The following SLC26A7 variants were observed in gnomAD, a reference collection of about 807,000 sequenced individuals.
The protein encoded by SLC26A7 is solute carrier family 26 member 7.
SLC26A7 carries 59 observed loss-of-function variants against 82.5 expected under a neutral mutation model. The ratio of observed to expected loss-of-function variants is 0.72; its 90% CI spans 0.58 to 0.89. SLC26A7 has a LOEUF of 0.89. Ranked by LOEUF, SLC26A7 falls within the 40% of genes least tolerant of loss-of-function variation. The pLI, the probability that SLC26A7 is intolerant of heterozygous loss-of-function variation, is 0.00. For synonymous variants in SLC26A7, 271 were observed against 274.3 expected (o/e 0.99, Z 0.12); for missense variants, 820 against 793.0 (o/e 1.03, Z -0.41).
At position 91,362,284 on chromosome 8, in the gene SLC26A7, A is replaced by G. The variant is rs574111437; in HGVS notation, c.1315-69A>G. 3.5e-5 allele frequency: 39 copies of G among 1,109,010 alleles called. 1 individual carries two copies. In the East Asian group the frequency reaches 8.9e-4, roughly 25 times the overall value. The allele number at this position is 1,109,010 out of a possible 1,614,324, so 68.7% of individuals were successfully genotyped here. ...GAGTGTTAAGAATATGATTGTGAGG[A>G]ACTTAGCAATAATGAGAAGAAGTGA... On this transcript the variant is annotated intron_variant, in intron 11 of 18. Transcript: ENST00000276609.
At chr8:91,326,672 T>C (rs1055008626) in intron 5 of SLC26A7, among the ~76,000 whole-genome samples, 1 of 152,206 alleles carries the variant, frequency 6.6e-6, no homozygotes, top group Non-Finnish European at 1.5e-5. Context: ...GTCTCAGAAG[T>C]GAGCAGCATT....
At chr8:91,209,737 A>G (rs533614316) in intron 1 of SLC26A7, among the ~76,000 whole-genome samples, 1 of 152,288 alleles carries the variant, frequency 6.6e-6, no homozygotes, top group Admixed American at 6.5e-5. Flanking sequence ...AATTAGTAGA[A>G]TTTTTAATAG....
rs554999331 is a variant in SLC26A7, at chr8:91,350,850, T to C, written c.1141-960T>C. Among the ~76,000 whole-genome samples the C allele has an allele frequency of 3.3e-5, 5 of 152,282 alleles. No individual in the cohort carries two copies. The East Asian group carries it at 9.6e-4, about 29-fold the overall frequency. On this transcript the variant is annotated intron_variant, in intron 9 of 18. Transcript: ENST00000276609. ...CCAGTCCTGAGTCATAAGGTAAGTGTATGTGTAACTTTATAAGACACTGCC... is the reference window on the plus strand; with the variant it reads ...CCAGTCCTGAGTCATAAGGTAAGTGCATGTGTAACTTTATAAGACACTGCC...
intron 16 of SLC26A7, among the ~76,000 whole-genome samples, 156 bp from the exon 17 acceptor site, chr8:91,393,641 C>T (rs1027941040): frequency 6.6e-6 from 1 of 152,102 alleles, no homozygotes; most frequent in Admixed American, 6.5e-5. Context: ...AGACGCTTGC[C>T]AGATTATGCC....
At chr8:91,324,785 G>T (rs562407800) in intron 5 of SLC26A7, among the ~76,000 whole-genome samples, 1 of 152,146 alleles carries the variant, frequency 6.6e-6, no homozygotes, top group East Asian at 1.9e-4. Flanking sequence ...AAGTGACAGG[G>T]GTGGGTCTGC....
intron 4 of SLC26A7, among the ~76,000 whole-genome samples, chr8:91,312,509 T>A (rs2130800611): frequency 6.6e-6 from 1 of 152,298 alleles, no homozygotes; most frequent in South Asian, 2.1e-4. Flanking sequence ...CTATTTTTAA[T>A]ATTTTGAGGA....
At chr8:91,368,975 C>A (rs1476833851) in intron 14 of SLC26A7, among the ~76,000 whole-genome samples, 1 of 152,156 alleles carries the variant, frequency 6.6e-6, no homozygotes. Context: ...GAAGAGAAAA[C>A]ACGGGCTCTC....
At chr8:91,230,013 A>G (rs188671447) in intron 2 of SLC26A7, among the ~76,000 whole-genome samples, 1 of 152,060 alleles carries the variant, frequency 6.6e-6, no homozygotes, top group East Asian at 1.9e-4. Flanking sequence ...TCCACCATAG[A>G]TTTTTGCCTG....
chr8:91,347,817 G>C (rs1278399049), intron 9 of SLC26A7, among the ~76,000 whole-genome samples: 1 of 152,162 alleles, frequency 6.6e-6, no homozygotes, highest in Non-Finnish European at 1.5e-5. Context: ...CCCAAAGCAT[G>C]CATATCTAAG....
intron 2 of SLC26A7, among the ~76,000 whole-genome samples, chr8:91,223,090 C>T (rs1810184185): frequency 6.6e-6 from 1 of 152,084 alleles, no homozygotes; most frequent in East Asian, 1.9e-4. Context: ...GGAATTTATT[C>T]ATTTCTTCTA....
In SLC26A7 at chr8:91,395,393, T is replaced by C. The variant is rs1440897630; in HGVS notation, c.*296T>C. 2.2e-6 allele frequency: 1 copy of C among 458,206 alleles called. No homozygotes were observed. Among genetic ancestry groups the C allele is most frequent in the Non-Finnish European group, 3.2e-6 (1 of 313,460 alleles). 28.4% of individuals were successfully genotyped at this position (458,206 alleles called of 1,614,324 possible). A position where few individuals can be genotyped will look rare whatever the true frequency, so the allele number is the denominator to read the frequency against. The stretch of plus-strand genomic sequence containing the variant: ...TATTTTACCATATTATTTTGTGTTG[T>C]TTTATTTCTATTGTGCTGTAAGTTG... On this transcript the variant is annotated 3_prime_UTR_variant, in exon 19 of 19. Transcript: ENST00000276609.
At chr8:91,330,136 G>A (rs1461999977) in intron 5 of SLC26A7, among the ~76,000 whole-genome samples, 1 of 152,056 alleles carries the variant, frequency 6.6e-6, no homozygotes, top group Non-Finnish European at 1.5e-5. Context: ...CATAACTAGT[G>A]GGTTCTTTTG....
rs577198125 is a variant in SLC26A7, at chr8:91,251,262, C to T, written c.193+1418C>T. Among the ~76,000 whole-genome samples, 19 of 151,886 alleles carry T rather than the reference C, an allele frequency of 1.3e-4. No individual in the cohort carries two copies. In the East Asian group the frequency reaches 3.7e-3, roughly 29 times the overall value. On this transcript the variant is annotated intron_variant, in intron 2 of 18. Transcript: ENST00000276609. ...TAAGTTTCAGTAGTTAATTATATGG[C>T]TTTTATTTGGGTATAGATTTTGAGG...
At chr8:91,317,017 A>G (rs984320585) in intron 4 of SLC26A7, among the ~76,000 whole-genome samples, 7 of 148,932 alleles carry the variant, frequency 4.7e-5, no homozygotes, top group African/African-American at 1.7e-4. Context: ...AAAAAAAAAA[A>G]AAAAGCCAGG....
At chr8:91,368,945 G>A (rs1022162152) in intron 14 of SLC26A7, among the ~76,000 whole-genome samples, 6 of 152,154 alleles carry the variant, frequency 3.9e-5, no homozygotes, top group African/African-American at 7.2e-5. Context: ...AAATACATAC[G>A]CTGTAGCACT....
At chr8:91,222,751 G>A (rs909578613) in intron 2 of SLC26A7, among the ~76,000 whole-genome samples, 6 of 152,170 alleles carry the variant, frequency 3.9e-5, no homozygotes, top group Non-Finnish European at 7.4e-5. Flanking sequence ...ATTGGATTCA[G>A]TTTGCCAGTG....
intron 4 of SLC26A7, among the ~76,000 whole-genome samples, chr8:91,317,190 T>A (rs1376619067): frequency 6.6e-6 from 1 of 150,880 alleles, no homozygotes; most frequent in African/African-American, 2.4e-5. Context: ...AAGAGAAGAG[T>A]TTTGCTGCTT....
intron 5 of SLC26A7, among the ~76,000 whole-genome samples, chr8:91,322,050 T>A (rs1033830911): frequency 1.3e-5 from 2 of 152,198 alleles, no homozygotes; most frequent in Non-Finnish European, 2.9e-5. Context: ...ATGCATTTTT[T>A]AAGTGTCATT....
At chr8:91,365,810 G>C (rs1046361012) in intron 13 of SLC26A7, among the ~76,000 whole-genome samples, 1 of 152,154 alleles carries the variant, frequency 6.6e-6, no homozygotes, top group African/African-American at 2.4e-5. Context: ...TTCTATGGAA[G>C]TAAAGCCTGA....
Sources: gnomAD v4.1 joint callset for allele counts (sites outside exome capture counted in the v4.1 genomes callset) on GRCh38, gnomAD v4.1.1 for gene constraint, MANE v1.5 for transcripts, NCBI Gene and HGNC (gene_info 2026-07-23, HGNC 2026-07-21) for gene names.